The following ZC3H12B variants were observed in gnomAD, a reference collection of about 807,000 sequenced individuals.
ZC3H12B encodes the protein probable ribonuclease ZC3H12B.
Under a neutral mutation model 43.9 loss-of-function variants are expected in ZC3H12B, and 7 were observed. The observed-to-expected ratio is 0.16, with a 90% CI of 0.09 to 0.30. The LOEUF (loss-of-function observed/expected upper bound fraction) is 0.30, where lower values mean the gene tolerates loss of function less well. Among genes scored for constraint, ZC3H12B ranks in the 10% least tolerant of loss-of-function variants. ZC3H12B has a pLI of 1.00. For missense variants in ZC3H12B, 475 were observed against 670.2 expected (o/e 0.71, Z 3.22); for synonymous variants, 222 against 241.7 (o/e 0.92, Z 0.76).
the ZC3H12B span, among the ~76,000 whole-genome samples, chrX:65,352,384 G>A: frequency 9.1e-6 from 1 of 110,003 alleles, no homozygotes; most frequent in African/African-American, 3.3e-5. Context: ...GTTGATTAGT[G>A]CAGCAAACCA....
chrX:65,139,845 C>G, the ZC3H12B span, among the ~76,000 whole-genome samples: 717 of 111,230 alleles, frequency 6.4e-3, 3 homozygotes, highest in South Asian at 0.01. Context: ...TTTTGTGTAG[C>G]TATTATAAAT....
the ZC3H12B span, among the ~76,000 whole-genome samples, chrX:65,044,131 A>G: frequency 2.7e-5 from 3 of 112,072 alleles, no homozygotes; most frequent in Non-Finnish European, 5.6e-5. Flanking sequence ...AGATAAGGGA[A>G]TAAGGAGCAA....
chrX:65,081,481 G>A, the ZC3H12B span, among the ~76,000 whole-genome samples: 1 of 111,593 alleles, frequency 9.0e-6, no homozygotes, highest in Non-Finnish European at 1.9e-5. Context: ...AGCAAGAATA[G>A]CTATACTTAC....
the ZC3H12B span, among the ~76,000 whole-genome samples, chrX:65,353,555 A>G: frequency 2.7e-5 from 3 of 112,028 alleles, no homozygotes; most frequent in Non-Finnish European, 5.6e-5. Flanking sequence ...TTTGAATATA[A>G]TTAAAACTGC....
At chrX:65,318,470 G>A in the ZC3H12B span, among the ~76,000 whole-genome samples, 1 of 105,546 alleles carries the variant, frequency 9.5e-6, no homozygotes, top group Admixed American at 1.0e-4. Context: ...GCTGGAGTGT[G>A]GTGGTGTGAT....
the ZC3H12B span, among the ~76,000 whole-genome samples, chrX:65,227,335 G>T: frequency 1.8e-5 from 2 of 111,492 alleles, no homozygotes; most frequent in South Asian, 3.8e-4. Flanking sequence ...TGAAACCAAT[G>T]ACAACAAAGA....
chrX:65,350,517 G>C, the ZC3H12B span, among the ~76,000 whole-genome samples: 3 of 111,649 alleles, frequency 2.7e-5, no homozygotes, highest in Non-Finnish European at 5.6e-5. Flanking sequence ...TATTGAAATA[G>C]GAAGAGAGGA....
intron 2 of ZC3H12B, among the ~76,000 whole-genome samples, chrX:65,379,038 C>A (rs57986376): frequency 2.0e-3 from 219 of 112,126 alleles, no homozygotes; most frequent in African/African-American, 6.8e-3. Flanking sequence ...GGGAGGGGTG[C>A]CCGCAATTGC....
At chrX:65,354,054 G>A in the ZC3H12B span, among the ~76,000 whole-genome samples, 3 of 111,676 alleles carry the variant, frequency 2.7e-5, no homozygotes, top group South Asian at 3.7e-4. Context: ...AAACTTAAAC[G>A]TTCCTACCTG....
chrX:65,257,369 C>T, the ZC3H12B span, among the ~76,000 whole-genome samples: 9 of 111,071 alleles, frequency 8.1e-5, no homozygotes, highest in Admixed American at 5.7e-4. Flanking sequence ...AACCAAACAC[C>T]GCATGTTCTC....
the ZC3H12B span, among the ~76,000 whole-genome samples, chrX:65,302,197 A>G: frequency 2.0e-4 from 22 of 111,676 alleles, no homozygotes; most frequent in Middle Eastern, 4.7e-3. Flanking sequence ...TGAAAAGAAA[A>G]TAGATTATAT....
At chrX:65,484,780 C>T (rs752024871), upstream of ZC3H12B, among the ~76,000 whole-genome samples, 2 of 112,251 alleles carry the variant, frequency 1.8e-5, no homozygotes, top group Non-Finnish European at 3.8e-5. Flanking sequence ...GATATTTCTG[C>T]CTCTGTATAA....
intron 3 of ZC3H12B, among the ~76,000 whole-genome samples, chrX:65,407,924 G>C (rs1171073863): frequency 8.8e-6 from 1 of 113,863 alleles, no homozygotes; most frequent in African/African-American, 3.2e-5. Context: ...CGGGCGCCGA[G>C]TGGCCGGTAC....
At chrX:65,124,248 A>G in the ZC3H12B span, among the ~76,000 whole-genome samples, 1 of 110,574 alleles carries the variant, frequency 9.0e-6, no homozygotes, top group Non-Finnish European at 1.9e-5. Flanking sequence ...TGAGATCATT[A>G]TGTTATTTCT....
chrX:65,463,036 T>G (rs2067772082), intron 3 of ZC3H12B, among the ~76,000 whole-genome samples: 1 of 112,226 alleles, frequency 8.9e-6, no homozygotes, highest in Non-Finnish European at 1.9e-5. Context: ...AAAGAGTATG[T>G]GTTCTCACAC....
At chrX:65,107,724 C>T in the ZC3H12B span, among the ~76,000 whole-genome samples, 9 of 110,970 alleles carry the variant, frequency 8.1e-5, no homozygotes, top group African/African-American at 2.6e-4. Context: ...TTTCCCCCTA[C>T]GGCTCGGCAC....
the ZC3H12B span, among the ~76,000 whole-genome samples, chrX:65,116,720 C>T: frequency 9.1e-6 from 1 of 109,800 alleles, no homozygotes; most frequent in African/African-American, 3.3e-5. Flanking sequence ...CCCCCCTCCC[C>T]CCAAACCACA....
chrX:65,122,647 G>A, the ZC3H12B span, among the ~76,000 whole-genome samples: 27 of 110,997 alleles, frequency 2.4e-4, no homozygotes, highest in East Asian at 2.0e-3. Flanking sequence ...CCCATCTCAC[G>A]TGCAGAGACA....
chrX:65,189,127 C>A, the ZC3H12B span, among the ~76,000 whole-genome samples: 2 of 105,194 alleles, frequency 1.9e-5, no homozygotes, highest in African/African-American at 7.1e-5. Context: ...GACATGAACT[C>A]ATCATTTTTT....
Sources: gnomAD v4.1 joint callset for allele counts (sites outside exome capture counted in the v4.1 genomes callset) on GRCh38, gnomAD v4.1.1 for gene constraint, MANE v1.5 for transcripts, NCBI Gene and HGNC (gene_info 2026-07-23, HGNC 2026-07-21) for gene names.